Variants in INSYN2B observed in about 807,000 individuals in gnomAD.
INSYN2B encodes inhibitory synaptic factor family member 2B, also known as protein INSYN2B.
Under a neutral mutation model 41.2 loss-of-function variants are expected in INSYN2B, and 16 were observed. The ratio of observed to expected loss-of-function variants is 0.39; its 90% CI spans 0.26 to 0.59. The LOEUF is 0.59. INSYN2B is among the 20% of genes least tolerant of loss of function. The pLI is 0.57. For synonymous variants in INSYN2B, 245 were observed against 244.4 expected (o/e 1.00, Z -0.02); for missense variants, 608 against 646.4 (o/e 0.94, Z 0.64).
intron 1 of INSYN2B, among the ~76,000 whole-genome samples, chr5:169,944,184 G>A (rs867563582): frequency 1.3e-5 from 2 of 152,124 alleles, no homozygotes; most frequent in Non-Finnish European, 2.9e-5. Flanking sequence ...CACACCAAAG[G>A]CCCTGCCTTT....
chr5:169,897,334 A>G (rs1773670404), intron 1 of INSYN2B, among the ~76,000 whole-genome samples: 1 of 152,094 alleles, frequency 6.6e-6, no homozygotes, highest in South Asian at 2.1e-4. Flanking sequence ...ACAGGCACAC[A>G]CCACCACACC....
At chr5:169,893,984 C>T (rs1228395474) in intron 1 of INSYN2B, among the ~76,000 whole-genome samples, 1 of 152,174 alleles carries the variant, frequency 6.6e-6, no homozygotes, top group Non-Finnish European at 1.5e-5. Context: ...TTGGAAAAGT[C>T]TTTCCATTCT....
intron 1 of INSYN2B, among the ~76,000 whole-genome samples, chr5:169,887,230 T>C (rs1773022893): frequency 6.6e-6 from 1 of 152,254 alleles, no homozygotes; most frequent in Non-Finnish European, 1.5e-5. Flanking sequence ...ATTCTGGTGT[T>C]AGCCCTGCCT....
intron 1 of INSYN2B, among the ~76,000 whole-genome samples, chr5:169,895,840 C>T (rs1287361493): frequency 5.3e-5 from 8 of 152,206 alleles, no homozygotes; most frequent in African/African-American, 9.7e-5. Context: ...GCTCACATAA[C>T]GCAGTGCCTG....
At chr5:169,940,515 T>C (rs1776196885) in intron 1 of INSYN2B, among the ~76,000 whole-genome samples, 1 of 152,210 alleles carries the variant, frequency 6.6e-6, no homozygotes, top group South Asian at 2.1e-4. Flanking sequence ...GAAATAATTA[T>C]ACAACTCACC....
At chr5:169,866,199 G>A (rs995810598) in intron 3 of INSYN2B, among the ~76,000 whole-genome samples, 1 of 152,210 alleles carries the variant, frequency 6.6e-6, no homozygotes, top group African/African-American at 2.4e-5. Context: ...ATCCAGGCTT[G>A]CTTCTCCTCC....
At chr5:169,891,097 A>T (rs893300746) in intron 1 of INSYN2B, among the ~76,000 whole-genome samples, 1 of 151,946 alleles carries the variant, frequency 6.6e-6, no homozygotes, top group Non-Finnish European at 1.5e-5. Context: ...ATCTCATGCC[A>T]CTTTCCCCCT....
intron 1 of INSYN2B, among the ~76,000 whole-genome samples, chr5:169,905,998 C>T (rs1464007595): frequency 6.6e-6 from 1 of 152,188 alleles, no homozygotes; most frequent in African/African-American, 2.4e-5. Flanking sequence ...AACATTTTCT[C>T]TTACACAAGG....
intron 3 of INSYN2B, among the ~76,000 whole-genome samples, chr5:169,865,454 C>T (rs1280060704): frequency 6.6e-6 from 1 of 152,152 alleles, no homozygotes; most frequent in Admixed American, 6.5e-5. Context: ...GGTTCACCCT[C>T]CCCAGAACCC....
At chr5:169,962,517 A>G (rs1777133255) in intron 1 of INSYN2B, among the ~76,000 whole-genome samples, 1 of 152,176 alleles carries the variant, frequency 6.6e-6, no homozygotes, top group Non-Finnish European at 1.5e-5. Flanking sequence ...GATGCCTGCA[A>G]ACATTCACCT....
intron 1 of INSYN2B, among the ~76,000 whole-genome samples, chr5:169,924,144 T>C (rs1775316488): frequency 6.6e-6 from 1 of 152,196 alleles, no homozygotes; most frequent in African/African-American, 2.4e-5. Flanking sequence ...CCCAGTCTGC[T>C]TCTCCCTGCA....
intron 1 of INSYN2B, among the ~76,000 whole-genome samples, chr5:169,953,917 A>T (rs1036145739): frequency 1.3e-5 from 2 of 152,218 alleles, no homozygotes; most frequent in Non-Finnish European, 2.9e-5. Context: ...AATTGTAACT[A>T]CCTCAAGAAT....
chr5:169,960,331 A>G (rs1418955869), intron 1 of INSYN2B, among the ~76,000 whole-genome samples: 2 of 152,158 alleles, frequency 1.3e-5, no homozygotes, highest in East Asian at 1.9e-4. Context: ...GGGTATTTAC[A>G]TCTGCTCATT....
intron 1 of INSYN2B, among the ~76,000 whole-genome samples, chr5:169,896,480 T>C (rs1057052229): frequency 6.6e-6 from 1 of 152,198 alleles, no homozygotes; most frequent in African/African-American, 2.4e-5. Flanking sequence ...ATCTGTAATA[T>C]GTGGCTAATA....
At chr5:169,955,454 G>A (rs1348930039) in intron 1 of INSYN2B, among the ~76,000 whole-genome samples, 2 of 152,208 alleles carry the variant, frequency 1.3e-5, no homozygotes, top group Non-Finnish European at 2.9e-5. Context: ...AGTACGTGCT[G>A]TCACTCTGAG....
At position 169,861,864 on chromosome 5, in the gene INSYN2B, AT is replaced by A. The variant is rs1771218668; in HGVS notation, c.*2408del. 6.6e-6 allele frequency among the ~76,000 whole-genome samples: 1 copy of A among 152,096 alleles called. No homozygotes were observed. Among genetic ancestry groups the A allele is most frequent in the Admixed American group, 6.5e-5 (1 of 15,272 alleles). On this transcript the variant is annotated 3_prime_UTR_variant, in exon 4 of 4. Coordinates refer to ENST00000377365, the MANE Select transcript of INSYN2B (RefSeq NM_001129891.3). Reference sequence around the variant, plus strand: ...ATGCGGTGTTGTGCTTTGGTGTAGAATCAGTACAGCCTTGTTTGGCTGTATT... The same window carrying A: ...ATGCGGTGTTGTGCTTTGGTGTAGAACAGTACAGCCTTGTTTGGCTGTATT...
At chr5:169,915,054 CT>C (rs1366935946) in intron 1 of INSYN2B, among the ~76,000 whole-genome samples, 7 of 152,348 alleles carry the variant, frequency 4.6e-5, no homozygotes, top group African/African-American at 1.7e-4. Flanking sequence ...GACCAGCTGT[CT>C]TCACCCCAGA....
chr5:169,866,303 G>C (rs1771553290), intron 3 of INSYN2B, among the ~76,000 whole-genome samples: 1 of 152,056 alleles, frequency 6.6e-6, no homozygotes, highest in Non-Finnish European at 1.5e-5. Context: ...TATTAAATTA[G>C]AATTGTATTG....
intron 1 of INSYN2B, among the ~76,000 whole-genome samples, chr5:169,932,357 A>C (rs1183052040): frequency 3.9e-5 from 6 of 152,178 alleles, no homozygotes; most frequent in Admixed American, 2.6e-4. Context: ...TACCCGCTGC[A>C]GAGTAGTTGA....
Sources: gnomAD v4.1 joint callset for allele counts (sites outside exome capture counted in the v4.1 genomes callset) on GRCh38, gnomAD v4.1.1 for gene constraint, MANE v1.5 for transcripts, NCBI Gene and HGNC (gene_info 2026-07-23, HGNC 2026-07-21) for gene names.